Variants in TBC1D1 observed in about 807,000 individuals in gnomAD.
TBC1D1 encodes the protein TBC1 (tre-2/USP6, BUB2, cdc16) domain family, member 1.
Under a neutral mutation model 125.6 loss-of-function variants are expected in TBC1D1, and 89 were observed. That is an observed-to-expected ratio of 0.71 (90% CI 0.60 to 0.85). The LOEUF (loss-of-function observed/expected upper bound fraction) is 0.85, where lower values mean the gene tolerates loss of function less well. TBC1D1 is among the 40% of genes least tolerant of loss of function. The pLI is 0.00. For synonymous variants in TBC1D1, 565 were observed against 564.1 expected (o/e 1.00, Z -0.02); for missense variants, 1,377 against 1,469.2 (o/e 0.94, Z 1.03).
chr4:38,072,118 G>T (rs963656360), intron 12 of TBC1D1, among the ~76,000 whole-genome samples: 3 of 152,198 alleles, frequency 2.0e-5, no homozygotes, highest in Admixed American at 6.5e-5. Context: ...TTTCATCAGA[G>T]GCAGTATTGC....
chr4:38,054,481 G>T, intron 12 of TBC1D1, 143 bp downstream of exon 14: 1 of 1,043,158 alleles, frequency 9.6e-7, no homozygotes, highest in Admixed American at 2.6e-5. Flanking sequence ...AACTAGGGAG[G>T]GAATTTAGAG....
intron 18 of TBC1D1, among the ~76,000 whole-genome samples, chr4:38,126,466 AC>A (rs1374703931): frequency 6.6e-6 from 1 of 152,242 alleles, no homozygotes; most frequent in Non-Finnish European, 1.5e-5. Context: ...TTGCAGCCAC[AC>A]CTTAGGTGTT....
intron 1 of TBC1D1, 99 bp from the exon 2 acceptor site, chr4:37,901,904 G>A: frequency 1.9e-6 from 1 of 534,124 alleles, no homozygotes; most frequent in Non-Finnish European, 3.2e-6. Flanking sequence ...TATTATATTT[G>A]GGTTTCAGGC....
chr4:38,091,341 C>T (rs1016416912), intron 13 of TBC1D1, among the ~76,000 whole-genome samples: 1 of 152,210 alleles, frequency 6.6e-6, no homozygotes. Flanking sequence ...TGATAGCACA[C>T]TGGGGGGCGT....
At chr4:37,933,452 A>G (rs985882537) in intron 2 of TBC1D1, among the ~76,000 whole-genome samples, 113 of 151,696 alleles carry the variant, frequency 7.4e-4, no homozygotes, top group Middle Eastern at 3.4e-3. Context: ...ACACACACAC[A>G]CACACACACA....
At chr4:38,091,207 A>G (rs1162562021) in intron 13 of TBC1D1, among the ~76,000 whole-genome samples, 1 of 152,230 alleles carries the variant, frequency 6.6e-6, no homozygotes, top group Non-Finnish European at 1.5e-5. Context: ...AGAAAATGAG[A>G]TATAAAGGAA....
chr4:38,027,749 T>C (rs763844474), intron 6 of TBC1D1, 39 bp from the exon 7 acceptor site: 1 of 1,447,496 alleles, frequency 6.9e-7, no homozygotes, highest in South Asian at 1.2e-5. Flanking sequence ...ACAACTTTTA[T>C]ATAGAATTTT....
At chr4:37,982,168 C>T (rs1734454751) in intron 2 of TBC1D1, among the ~76,000 whole-genome samples, 1 of 152,188 alleles carries the variant, frequency 6.6e-6, no homozygotes, top group Non-Finnish European at 1.5e-5. Context: ...GACCAGCCCA[C>T]CTTGGGTGCC....
intron 12 of TBC1D1, among the ~76,000 whole-genome samples, chr4:38,073,856 G>T (rs572047051): frequency 1.1e-3 from 162 of 152,324 alleles, no homozygotes; most frequent in African/African-American, 3.7e-3. Flanking sequence ...GAAGTAAAAA[G>T]AGCCTCCTCC....
chr4:38,093,237 G>C (rs2152542607), intron 13 of TBC1D1, among the ~76,000 whole-genome samples: 1 of 152,178 alleles, frequency 6.6e-6, no homozygotes, highest in South Asian at 2.1e-4. Context: ...TACTCTTTGG[G>C]AAAGAATTTA....
chr4:37,953,563 G>A (rs1006497182), intron 2 of TBC1D1, among the ~76,000 whole-genome samples: 1 of 152,142 alleles, frequency 6.6e-6, no homozygotes, highest in Admixed American at 6.5e-5. Flanking sequence ...TATTAAATAT[G>A]TCACTATAAC....
intron 14 of TBC1D1, among the ~76,000 whole-genome samples, chr4:38,101,873 C>T (rs1231470114): frequency 6.6e-6 from 1 of 152,178 alleles, no homozygotes; most frequent in East Asian, 1.9e-4. Flanking sequence ...CTGAATCACT[C>T]TCGGTTCCCT....
chr4:37,975,812 A>T (rs376785023), intron 2 of TBC1D1, among the ~76,000 whole-genome samples: 7 of 152,170 alleles, frequency 4.6e-5, no homozygotes, highest in South Asian at 2.1e-4. Flanking sequence ...CTACAAACTA[A>T]TGATTAATGA....
intron 15 of TBC1D1, among the ~76,000 whole-genome samples, chr4:38,106,800 C>T (rs150668576): frequency 0.015 from 2,321 of 152,248 alleles, 37 homozygotes; most frequent in Non-Finnish European, 0.025. Context: ...ACAAGGGCCT[C>T]GGCGTGGCTG....
At chr4:37,984,797 T>G (rs979301374) in intron 2 of TBC1D1, among the ~76,000 whole-genome samples, 3 of 150,918 alleles carry the variant, frequency 2.0e-5, no homozygotes, top group South Asian at 2.1e-4. Flanking sequence ...GAGCCAAGAT[T>G]GTGCCACTGC....
chr4:38,111,082 A>G (rs1340382803), intron 15 of TBC1D1, among the ~76,000 whole-genome samples: 1 of 152,258 alleles, frequency 6.6e-6, no homozygotes, highest in South Asian at 2.1e-4. Flanking sequence ...GGTGCGCATC[A>G]TATGGGTGGT....
chr4:37,977,422 C>T lies in TBC1D1; in HGVS notation c.418-37087C>T. ...GCCCCGCCGCTCCCCAAGCCCGCCC[C>T]CGGCCGCCCGCGGGCCCACGGGCCG... On this transcript the variant is annotated intron_variant, in intron 2 of 19. Coordinates refer to ENST00000261439, the MANE Select transcript of TBC1D1 (RefSeq NM_015173.4). The surrounding 1 kb of genome is among the most constrained non-coding windows in gnomAD (Gnocchi z 4.3). 1 of 941,166 alleles carries T rather than the reference C, an allele frequency of 1.1e-6. No individual in the cohort carries two copies. 58.3% of individuals were successfully genotyped at this position (941,166 alleles called of 1,614,324 possible). A position where few individuals can be genotyped will look rare whatever the true frequency, so the allele number is the denominator to read the frequency against.
intron 1 of TBC1D1, among the ~76,000 whole-genome samples, chr4:37,898,881 G>A (rs1399734557): frequency 1.3e-5 from 2 of 152,238 alleles, no homozygotes; most frequent in East Asian, 3.9e-4. Context: ...TGAGAAACGG[G>A]GAACCATAAC....
intron 2 of TBC1D1, among the ~76,000 whole-genome samples, chr4:37,906,011 C>G (rs958216812): frequency 2.0e-5 from 3 of 152,148 alleles, no homozygotes; most frequent in Admixed American, 2.0e-4. Flanking sequence ...TAAGCTGAAC[C>G]AGCAGAGATG....
Sources: gnomAD v4.1 joint callset for allele counts (sites outside exome capture counted in the v4.1 genomes callset) on GRCh38, gnomAD v4.1.1 for gene constraint, Gnocchi (gnomAD v3.1) non-coding constraint, MANE v1.5 for transcripts, NCBI Gene and HGNC (gene_info 2026-07-23, HGNC 2026-07-21) for gene names.